Variants in RCC2 observed in about 807,000 individuals in gnomAD.
RCC2 encodes the protein protein RCC2.
RCC2 carries 19 observed loss-of-function variants against 64.1 expected under a neutral mutation model. The observed-to-expected ratio is 0.30, with a 90% CI of 0.21 to 0.44. The LOEUF (loss-of-function observed/expected upper bound fraction) is 0.44. RCC2 is among the 20% of genes least tolerant of loss of function. The pLI, the probability that RCC2 is intolerant of heterozygous loss-of-function variation, is 1.00. For synonymous variants in RCC2, 325 were observed against 279.6 expected, an observed-to-expected ratio of 1.16 and a Z score of -1.62; for missense variants, 508 against 710.4, an observed-to-expected ratio of 0.72 and a Z score of 3.24.
At chr1:17,416,127 C>A (rs1188951374) in intron 8 of RCC2, among the ~76,000 whole-genome samples, 3 of 150,986 alleles carry the variant, frequency 2.0e-5, no homozygotes, top group African/African-American at 4.9e-5. Flanking sequence ...CGACTCACAT[C>A]CCCAGTATGG....
chr1:17,439,397 G>C (rs2075781926), intron 1 of RCC2, 148 bp downstream of exon 1: 1 of 147,474 alleles, frequency 6.8e-6, no homozygotes, highest in Non-Finnish European at 1.5e-5. Context: ...AAACCACGTG[G>C]ATCCGCCTTC....
chr1:17,422,897 A>G, intron 4 of RCC2, 61 bp from the exon 5 acceptor site: 1 of 1,602,398 alleles, frequency 6.2e-7, no homozygotes, highest in South Asian at 1.1e-5. Flanking sequence ...CACCACCAGG[A>G]GAAGGCGAGT....
intron 3 of RCC2, among the ~76,000 whole-genome samples, chr1:17,427,681 A>C (rs541717759): frequency 1.1e-4 from 16 of 152,236 alleles, no homozygotes; most frequent in African/African-American, 3.9e-4. Flanking sequence ...TTGCTTGGCC[A>C]AGGGGAGTCT....
In RCC2 at chr1:17,413,049, C is replaced by T. The variant is rs536480829; in HGVS notation, c.1313+24G>A. The T allele has an allele frequency of 6.4e-6, 10 of 1,554,080 alleles. No homozygotes were observed. The African/African-American group carries it at 1.1e-4, about 17-fold the overall frequency. On this transcript the variant is annotated intron_variant, in intron 10 of 12. Coordinates refer to ENST00000375436, the MANE Select transcript of RCC2 (RefSeq NM_018715.4). ...CCCCATGAAAGGAAGAGACCTCATA[C>T]CCACAGGAGATGCTGCCACCTACCC... is the stretch of plus-strand genomic sequence containing the variant.
At chr1:17,439,003 A>G (rs1381815804) in intron 1 of RCC2, among the ~76,000 whole-genome samples, 1 of 124,294 alleles carries the variant, frequency 8.0e-6, no homozygotes, top group African/African-American at 3.2e-5. Context: ...CCCCAAACCC[A>G]CTCATGGCAT....
intron 6 of RCC2, among the ~76,000 whole-genome samples, chr1:17,421,289 G>C (rs916457973): frequency 2.0e-5 from 3 of 152,136 alleles, no homozygotes; most frequent in African/African-American, 7.2e-5. Context: ...GAAGTCAAGA[G>C]ATGGAGACCA....
At chr1:17,410,597 G>A (rs1450107355) in intron 11 of RCC2, among the ~76,000 whole-genome samples, 5 of 152,220 alleles carry the variant, frequency 3.3e-5, no homozygotes, top group Non-Finnish European at 7.3e-5. Context: ...CTAAGGGGGA[G>A]TCTTGTGCAA....
chr1:17,439,672 A>G lies in RCC2; in HGVS notation c.-136T>C, dbSNP rs980056534. 2 of 149,214 alleles carry G rather than the reference A, an allele frequency of 1.3e-5. No individual in the cohort carries two copies. The highest frequency in any genetic ancestry group is 3.0e-5 in the Non-Finnish European group (2 of 67,400). The allele number at this position is 149,214 out of a possible 1,614,324, so 9.2% of individuals were successfully genotyped here. A position where few individuals can be genotyped will look rare whatever the true frequency, so the allele number is the denominator to read the frequency against. On this transcript the variant is annotated 5_prime_UTR_variant, in exon 1 of 13. Transcript: ENST00000375436. ...CACTCACCAGATACACTTAAAATGT[A>G]AATACGAGCTTCCAGAACAAATGCT...
intron 2 of RCC2, among the ~76,000 whole-genome samples, chr1:17,431,727 G>A (rs892474510): frequency 2.0e-5 from 3 of 151,678 alleles, no homozygotes; most frequent in Non-Finnish European, 2.9e-5. Flanking sequence ...GTTCCGTCAC[G>A]CTTGCCCACT....
At chr1:17,416,076 AAAG>A (rs1359173878) in intron 8 of RCC2, among the ~76,000 whole-genome samples, 3 of 21,660 alleles carry the variant, frequency 1.4e-4, no homozygotes, top group Non-Finnish European at 1.6e-4. Context: ...TCCAAAAAAA[AAAG>A]GGGGGGGGGG....
chr1:17,433,513 C>T (rs1018830377), intron 2 of RCC2, among the ~76,000 whole-genome samples: 11 of 152,196 alleles, frequency 7.2e-5, no homozygotes, highest in African/African-American at 2.2e-4. Context: ...GATGGGCCTA[C>T]GGATTGTTTT....
At chr1:17,412,446 C>A (rs951541316) in intron 10 of RCC2, among the ~76,000 whole-genome samples, 2 of 152,244 alleles carry the variant, frequency 1.3e-5, no homozygotes, top group Admixed American at 6.5e-5. Context: ...CCTTGCTGTG[C>A]ATCCTGCACA....
At chr1:17,435,593 A>G (rs1369477681) in intron 2 of RCC2, among the ~76,000 whole-genome samples, 2 of 152,246 alleles carry the variant, frequency 1.3e-5, no homozygotes, top group East Asian at 3.8e-4. Flanking sequence ...GCCTATGGAA[A>G]GGCAATGGGG....
rs527700989 is a variant in RCC2, at chr1:17,412,019, T to G, written c.1386+103A>C. The G allele has an allele frequency of 3.8e-5, 39 of 1,023,338 alleles. No homozygotes were observed. The African/African-American group carries it at 5.1e-4, about 13-fold the overall frequency. The allele number at this position is 1,023,338 out of a possible 1,614,324, so 63.4% of individuals were successfully genotyped here. On this transcript the variant is annotated intron_variant, in intron 11 of 12. Coordinates refer to ENST00000375436, the MANE Select transcript of RCC2 (RefSeq NM_018715.4). Reference sequence around the variant, plus strand: ...TACAATAAGGGGGGAATCCCAAATGTTTTTCTTCTGTGTGTTTTGGGAGAC... The same window carrying G: ...TACAATAAGGGGGGAATCCCAAATGGTTTTCTTCTGTGTGTTTTGGGAGAC...
At chr1:17,414,460 G>T (rs2075458905) in intron 8 of RCC2, among the ~76,000 whole-genome samples, 1 of 150,986 alleles carries the variant, frequency 6.6e-6, no homozygotes, top group African/African-American at 2.4e-5. Context: ...AACCTGGGAG[G>T]CGGAGGCTGC....
chr1:17,438,581 A>G, intron 1 of RCC2, 59 bp from the exon 2 acceptor site: 1 of 1,262,910 alleles, frequency 7.9e-7, no homozygotes, highest in Admixed American at 3.2e-5. Context: ...GCGCGGGGGG[A>G]GGGGAGCGGA....
At chr1:17,414,247 C>T (rs912183585) in intron 8 of RCC2, among the ~76,000 whole-genome samples, 6 of 152,062 alleles carry the variant, frequency 3.9e-5, no homozygotes, top group African/African-American at 1.4e-4. Flanking sequence ...AACAGAGATT[C>T]GGCCAGATGC....
intron 2 of RCC2, among the ~76,000 whole-genome samples, chr1:17,437,236 T>C (rs1007941286): frequency 1.3e-5 from 2 of 152,134 alleles, no homozygotes; most frequent in African/African-American, 4.8e-5. Context: ...TAAACACCCT[T>C]AGGAGATGGG....
chr1:17,406,809 T>G lies in RCC2; in HGVS notation c.*2281A>C, dbSNP rs1334692063. 6.6e-6 allele frequency: 1 copy of G among 152,124 alleles called. No individual in the cohort carries two copies. The highest frequency in any genetic ancestry group is 1.5e-5 in the Non-Finnish European group (1 of 68,012). The allele number at this position is 152,124 out of a possible 1,614,324, so 9.4% of individuals were successfully genotyped here. ...TTTAAAATGTTTACTCCAAGAAATATATATATAAAAAAAATAATAAGACAA... is the reference window on the plus strand; with the variant it reads ...TTTAAAATGTTTACTCCAAGAAATAGATATATAAAAAAAATAATAAGACAA... On this transcript the variant is annotated 3_prime_UTR_variant, in exon 13 of 13. Transcript: ENST00000375436.
Sources: gnomAD v4.1 joint callset for allele counts (sites outside exome capture counted in the v4.1 genomes callset) on GRCh38, gnomAD v4.1.1 for gene constraint, MANE v1.5 for transcripts, NCBI Gene and HGNC (gene_info 2026-07-23, HGNC 2026-07-21) for gene names.